The following XKR9 variants were observed in gnomAD, a reference collection of about 807,000 sequenced individuals.
XKR9 encodes the protein XK-related protein 9.
XKR9 carries 32 observed loss-of-function variants against 32.0 expected under a neutral mutation model. The ratio of observed to expected loss-of-function variants is 1.00; its 90% CI spans 0.76 to 1.34. The LOEUF (loss-of-function observed/expected upper bound fraction) is 1.34, where lower values mean the gene tolerates loss of function less well. Ranked by LOEUF, XKR9 falls within the 40% of genes most tolerant of loss-of-function variation. The pLI, the probability that XKR9 is intolerant of heterozygous loss-of-function variation, is 0.00. For missense variants in XKR9, 546 were observed against 429.7 expected (o/e 1.27, Z -2.39); for synonymous variants, 168 against 143.4 (o/e 1.17, Z -1.22).
At position 70,707,083 on chromosome 8, in the gene XKR9, G is replaced by A. The variant is rs1431932098; in HGVS notation, c.423G>A (p.Leu141=). ...LSMLRLFETY[L]EGCPQLILQL... ...TGCTCAGACTATTTGAGACCTACCT[G>A]GAAGGCTGCCCACAACTTATTCTTC... is the stretch of plus-strand genomic sequence containing the variant. The change falls in exon 4 of 5, where the codon CTG becomes CTA. Residue 141 remains leucine (L), a synonymous_variant. Transcript: ENST00000408926. 6.2e-7 allele frequency: 1 copy of A among 1,613,408 alleles called. No homozygotes were observed. The highest frequency in any genetic ancestry group is 1.1e-5 in the South Asian group (1 of 91,042).
the XKR9 span, among the ~76,000 whole-genome samples, chr8:70,847,924 T>C: frequency 6.6e-6 from 1 of 151,942 alleles, no homozygotes; most frequent in African/African-American, 2.4e-5. Flanking sequence ...CTCAAACTAT[T>C]GCAAAAAATG....
At chr8:70,993,599 CA>C in the XKR9 span, among the ~76,000 whole-genome samples, 2 of 70,166 alleles carry the variant, frequency 2.9e-5, no homozygotes, top group Non-Finnish European at 9.4e-5. Context: ...TTTCATAGGA[CA>C]TCTTCCTTCC....
the XKR9 span, among the ~76,000 whole-genome samples, chr8:71,057,672 A>T: frequency 0.39 from 59,819 of 151,914 alleles, 13,612 homozygotes; most frequent in Non-Finnish European, 0.53. Context: ...CCTCCTATCC[A>T]CTCTGAGAAT....
At chr8:71,012,972 C>A in the XKR9 span, among the ~76,000 whole-genome samples, 1 of 152,206 alleles carries the variant, frequency 6.6e-6, no homozygotes, top group Non-Finnish European at 1.5e-5. Flanking sequence ...CTTCATAACA[C>A]AAGCCAGTTT....
chr8:70,810,832 A>G, the XKR9 span, among the ~76,000 whole-genome samples: 1 of 152,196 alleles, frequency 6.6e-6, no homozygotes, highest in Non-Finnish European at 1.5e-5. Context: ...CTTCCACACA[A>G]TAATAATGGG....
In XKR9 at chr8:70,735,238, A is replaced by G. The variant is rs1806826500; in HGVS notation, c.*814A>G. On this transcript the variant is annotated 3_prime_UTR_variant, in exon 5 of 5. Coordinates refer to ENST00000408926, the MANE Select transcript of XKR9 (RefSeq NM_001011720.2). ...CTTGTAAAACTAAGATTCTCTATTT[A>G]TTGAACAAATCCCCATTTCCTCCTT... 6.6e-6 allele frequency: 1 copy of G among 151,872 alleles called. No individual in the cohort carries two copies. The highest frequency in any genetic ancestry group is 1.5e-5 in the Non-Finnish European group (1 of 67,972). The allele number at this position is 151,872 out of a possible 1,614,324, so 9.4% of individuals were successfully genotyped here.
At chr8:70,850,901 T>G in the XKR9 span, among the ~76,000 whole-genome samples, 1 of 152,272 alleles carries the variant, frequency 6.6e-6, no homozygotes, top group East Asian at 1.9e-4. Flanking sequence ...CTGACCACTC[T>G]TATTCAACAT....
At chr8:70,769,725 G>A (rs764568239) in intron 2 of XKR9, among the ~76,000 whole-genome samples, 1 of 150,970 alleles carries the variant, frequency 6.6e-6, no homozygotes, top group African/African-American at 2.4e-5. Flanking sequence ...CTGCTTGATC[G>A]ATTTGACTCT....
Position 70,754,424 on chromosome 8 carries a change from C to G in XKR9, n.353-34915C>G, listed in dbSNP as rs544579606. On this transcript the variant is annotated intron_variant and non_coding_transcript_variant, in intron 2 of 3. Transcript: ENST00000520273. ...AATTGGAAAAAACTACTTTAAAGTT[C>G]ATATGAAACCATAAAAGAGCCCGCA... Among the ~76,000 whole-genome samples, 4 of 125,396 alleles carry G rather than the reference C, an allele frequency of 3.2e-5. 2 individuals are homozygous for G. The Admixed American group carries it at 3.9e-4, about 12-fold the overall frequency. 82.3% of individuals were successfully genotyped at this position (125,396 alleles called of 152,430 possible). A position where few individuals can be genotyped will look rare whatever the true frequency, so the allele number is the denominator to read the frequency against.
the XKR9 span, among the ~76,000 whole-genome samples, chr8:70,854,348 C>A: frequency 2.0e-5 from 3 of 152,168 alleles, no homozygotes; most frequent in Non-Finnish European, 4.4e-5. Context: ...CTGTTCATAT[C>A]CTTCGCCCAC....
the XKR9 span, among the ~76,000 whole-genome samples, chr8:70,854,699 A>G: frequency 1.3e-5 from 2 of 152,134 alleles, no homozygotes; most frequent in African/African-American, 4.8e-5. Flanking sequence ...TAATTTTTGT[A>G]TGAGGTGTAA....
chr8:70,950,461 G>A, the XKR9 span, among the ~76,000 whole-genome samples: 13 of 152,022 alleles, frequency 8.6e-5, no homozygotes, highest in East Asian at 1.9e-4. Flanking sequence ...GCAAAGGTCC[G>A]GCTCTGGGCA....
the XKR9 span, among the ~76,000 whole-genome samples, chr8:70,929,274 A>C: frequency 6.6e-6 from 1 of 152,182 alleles, no homozygotes. Flanking sequence ...GAAATGTGGC[A>C]AGTCTGATGG....
At chr8:70,774,486 C>T (rs1477076443) in intron 2 of XKR9, among the ~76,000 whole-genome samples, 1 of 152,066 alleles carries the variant, frequency 6.6e-6, no homozygotes, top group Non-Finnish European at 1.5e-5. Flanking sequence ...ATTTGCCTAC[C>T]CTTCAGTCTT....
At chr8:70,677,265 C>T (rs1818917224) in intron 2 of XKR9, among the ~76,000 whole-genome samples, 1 of 152,126 alleles carries the variant, frequency 6.6e-6, no homozygotes, top group Non-Finnish European at 1.5e-5. Flanking sequence ...CCCACCTCAG[C>T]CTCCCAAGTA....
intron 3 of XKR9, among the ~76,000 whole-genome samples, chr8:70,701,857 A>G (rs780056620): frequency 6.6e-6 from 1 of 152,138 alleles, no homozygotes; most frequent in African/African-American, 2.4e-5. Context: ...AAATTAAATG[A>G]CAGTTTTGCA....
At chr8:70,817,133 C>T in the XKR9 span, among the ~76,000 whole-genome samples, 2 of 151,942 alleles carry the variant, frequency 1.3e-5, no homozygotes, top group Non-Finnish European at 2.9e-5. Context: ...CTAGCCAGAA[C>T]AACCAGGCAA....
chr8:71,018,477 G>C, the XKR9 span, among the ~76,000 whole-genome samples: 1 of 152,176 alleles, frequency 6.6e-6, no homozygotes, highest in Admixed American at 6.5e-5. Flanking sequence ...AGTATCTGTG[G>C]GAGCTTCCGA....
chr8:70,795,121 C>A (rs1807811968), downstream of XKR9, among the ~76,000 whole-genome samples: 1 of 151,982 alleles, frequency 6.6e-6, no homozygotes, highest in African/African-American at 2.4e-5. Context: ...CTGATCCTCT[C>A]CCTCCTCCCA....
Sources: allele counts gnomAD v4.1 joint callset (sites outside exome capture counted in the v4.1 genomes callset), GRCh38; gene constraint gnomAD v4.1.1; transcripts MANE v1.5; gene names NCBI Gene and HGNC (gene_info 2026-07-23, HGNC 2026-07-21).